Variants in PARP15 observed in about 807,000 individuals in gnomAD.
PARP15 encodes protein mono-ADP-ribosyltransferase PARP15.
Under a neutral mutation model 62.1 loss-of-function variants are expected in PARP15, and 50 were observed. That is an observed-to-expected ratio of 0.81 (90% confidence interval 0.64 to 1.02). The LOEUF is 1.02. PARP15 is among the 50% of genes least tolerant of loss of function. The probability of loss-of-function intolerance (pLI) is 0.00; values close to 1 mark genes in which losing one functional copy is unlikely to be tolerated. For synonymous variants in PARP15, 309 were observed against 293.1 expected (o/e 1.05, Z -0.55); for missense variants, 820 against 826.5 (o/e 0.99, Z 0.10).
chr3:122,615,365 A>G (rs1382877484), intron 4 of PARP15: 1 of 1,294,716 alleles, frequency 7.7e-7, no homozygotes, highest in Admixed American at 2.3e-5. Context: ...CCTAACAGCC[A>G]AAGATGCCAA....
At chr3:122,587,840 T>C (rs1015409297) in intron 1 of PARP15, among the ~76,000 whole-genome samples, 3 of 152,216 alleles carry the variant, frequency 2.0e-5, no homozygotes, top group Admixed American at 6.5e-5. Flanking sequence ...TTGTTTGAAT[T>C]TGCAACTCAC....
intron 2 of PARP15, among the ~76,000 whole-genome samples, chr3:122,609,733 A>G (rs1490944374): frequency 6.6e-6 from 1 of 151,540 alleles, no homozygotes; most frequent in African/African-American, 2.4e-5. Flanking sequence ...AGGCCACACG[A>G]TGAGAGTGTT....
chr3:122,615,891 C>A (rs1935934004), intron 5 of PARP15, 34 bp downstream of exon 5: 4 of 1,575,384 alleles, frequency 2.5e-6, no homozygotes, highest in Non-Finnish European at 3.5e-6. Context: ...GGAAATATTT[C>A]CTTTTGCTGA....
In PARP15 at chr3:122,618,560, G is replaced by A. The variant is rs1011747587; in HGVS notation, c.1001-1221G>A. ...CAAGTACAGAGATGAAAATAAGATT[G>A]AATGAAATTCCAGATCAGTAGCAGT... is the stretch of plus-strand genomic sequence containing the variant. On this transcript the variant is annotated intron_variant, in intron 6 of 11. Coordinates refer to ENST00000464300, the MANE Select transcript of PARP15 (RefSeq NM_001113523.3). Among the ~76,000 whole-genome samples, 3 of 152,254 alleles carry A rather than the reference G, an allele frequency of 2.0e-5. No homozygotes were observed. The East Asian group carries it at 5.8e-4, about 29-fold the overall frequency.
At chr3:122,594,080 A>G (rs1339171209) in intron 1 of PARP15, among the ~76,000 whole-genome samples, 2 of 152,222 alleles carry the variant, frequency 1.3e-5, no homozygotes, top group Non-Finnish European at 2.9e-5. Context: ...ACAGTCACAC[A>G]GCTAGTACCT....
At chr3:122,607,914 A>G (rs1189898629) in intron 2 of PARP15, among the ~76,000 whole-genome samples, 2 of 152,090 alleles carry the variant, frequency 1.3e-5, no homozygotes, top group Admixed American at 6.5e-5. Flanking sequence ...CCAACCTCCA[A>G]TCACGCCTCA....
chr3:122,585,822 T>C (rs1933380979), intron 1 of PARP15, among the ~76,000 whole-genome samples: 1 of 152,268 alleles, frequency 6.6e-6, no homozygotes, highest in Admixed American at 6.5e-5. Flanking sequence ...ACCACCCTGG[T>C]TGAGGATACA....
intron 9 of PARP15, among the ~76,000 whole-genome samples, chr3:122,630,993 T>C (rs763499682): frequency 2.7e-4 from 41 of 152,170 alleles, no homozygotes; most frequent in Non-Finnish European, 5.6e-4. Context: ...TGATTCCAAG[T>C]CCTGATAGCT....
At chr3:122,634,318 G>A (rs111462085) in intron 10 of PARP15, among the ~76,000 whole-genome samples, 10 of 152,150 alleles carry the variant, frequency 6.6e-5, no homozygotes, top group African/African-American at 1.9e-4. Flanking sequence ...CCACCCCCAT[G>A]CCATTAGACT....
At chr3:122,627,223 A>G (rs1377728397) in intron 9 of PARP15, among the ~76,000 whole-genome samples, 190 bp downstream of exon 9, 3 of 152,228 alleles carry the variant, frequency 2.0e-5, no homozygotes, top group Middle Eastern at 3.2e-3. Flanking sequence ...TATTTTCCTG[A>G]GAGGCAAAAT....
chr3:122,606,162 A>G (rs1288641587), intron 2 of PARP15, 107 bp downstream of exon 2: 2 of 1,283,104 alleles, frequency 1.6e-6, no homozygotes, highest in African/African-American at 1.5e-5. Flanking sequence ...ATCAAAGATT[A>G]AAGATATCAA....
At chr3:122,628,407 G>A (rs982412177) in intron 9 of PARP15, among the ~76,000 whole-genome samples, 1 of 152,110 alleles carries the variant, frequency 6.6e-6, no homozygotes, top group Non-Finnish European at 1.5e-5. Flanking sequence ...ACCAGAAGAG[G>A]AGAAAAGGAT....
chr3:122,605,416 G>A (rs2107522423), intron 1 of PARP15, among the ~76,000 whole-genome samples: 1 of 152,248 alleles, frequency 6.6e-6, no homozygotes, highest in African/African-American at 2.4e-5. Flanking sequence ...AAACTCACTG[G>A]CATTTGGGAT....
intron 5 of PARP15, among the ~76,000 whole-genome samples, chr3:122,616,707 T>TC (rs374405967): frequency 6.6e-6 from 1 of 152,138 alleles, no homozygotes; most frequent in Admixed American, 6.6e-5. Context: ...CCCTTTTTTT[T>TC]CTCACTCCTC....
intron 1 of PARP15, among the ~76,000 whole-genome samples, chr3:122,578,185 G>A (rs1576464333): frequency 6.6e-6 from 1 of 151,830 alleles, no homozygotes; most frequent in South Asian, 2.1e-4. Flanking sequence ...CTTATGGGGG[G>A]CTTTTGTTTC....
chr3:122,612,044 T>C (rs13072888), intron 3 of PARP15, among the ~76,000 whole-genome samples: 1 of 117,320 alleles, frequency 8.5e-6, no homozygotes, highest in African/African-American at 4.7e-5. Flanking sequence ...GAGATTCTCT[T>C]TCTCTCTCTT....
In PARP15 at chr3:122,579,089, T is replaced by C. The variant is rs2080745391; in HGVS notation, c.186+1236T>C. 2.6e-5 allele frequency among the ~76,000 whole-genome samples: 4 copies of C among 152,220 alleles called. No homozygotes were observed. The South Asian group carries it at 8.3e-4, about 32-fold the overall frequency. On this transcript the variant is annotated intron_variant, in intron 1 of 11. Transcript: ENST00000464300. Reference sequence around the variant, plus strand: ...AATAGTGTACAAATTGAAATATCTGTGTACTGATCCTCGACACAACCAATG... The same window carrying C: ...AATAGTGTACAAATTGAAATATCTGCGTACTGATCCTCGACACAACCAATG...
intron 8 of PARP15, among the ~76,000 whole-genome samples, chr3:122,625,624 G>A (rs910478259): frequency 6.6e-6 from 1 of 152,152 alleles, no homozygotes; most frequent in Non-Finnish European, 1.5e-5. Flanking sequence ...TATGACTAAT[G>A]TCCTTATAAG....
intron 9 of PARP15, 37 bp downstream of exon 9, chr3:122,627,070 T>C: frequency 6.7e-7 from 1 of 1,502,832 alleles, no homozygotes; most frequent in Non-Finnish European, 9.2e-7. Context: ...CCCTGCTGGC[T>C]CTGATAATCA....
Sources: gnomAD v4.1 joint callset for allele counts (sites outside exome capture counted in the v4.1 genomes callset) on GRCh38, gnomAD v4.1.1 for gene constraint, MANE v1.5 for transcripts, NCBI Gene and HGNC (gene_info 2026-07-23, HGNC 2026-07-21) for gene names.